The following FGL1 variants were observed in gnomAD, a reference collection of about 807,000 sequenced individuals.
FGL1 encodes fibrinogen like 1, also known as fibrinogen-like protein 1.
A neutral mutation model predicts 43.7 loss-of-function variants in FGL1; 59 were observed. The observed-to-expected ratio is 1.35, with a 90% CI of 1.10 to 1.68. The LOEUF is 1.68. FGL1 is among the 40% of genes most tolerant of loss of function. The pLI is 0.00. For synonymous variants in FGL1, 192 were observed against 126.5 expected, an observed-to-expected ratio of 1.52 and a Z score of -3.48; for missense variants, 596 against 373.0, an observed-to-expected ratio of 1.60 and a Z score of -4.92.
At position 17,871,080 on chromosome 8, in the gene FGL1, A is replaced by C. The variant is rs1346886406; in HGVS notation, c.503-2076T>G. 2.0e-5 allele frequency among the ~76,000 whole-genome samples: 3 copies of C among 152,082 alleles called. No homozygotes were observed. The East Asian group carries it at 5.8e-4, about 29-fold the overall frequency. On this transcript the variant is annotated intron_variant, in intron 5 of 7. Coordinates refer to ENST00000427924, the MANE Select transcript of FGL1 (RefSeq NM_004467.4). ...ATGCGGGCCTCTCTTGGGCTTGTTG[A>C]TTTAGCACCACAATTTCCTTGCCCC...
chr8:17,886,548 A>G (rs562977479), intron 1 of FGL1, among the ~76,000 whole-genome samples: 5 of 152,274 alleles, frequency 3.3e-5, no homozygotes, highest in African/African-American at 1.2e-4. Flanking sequence ...ACTCGAGGTC[A>G]GGAGCTCGAG....
chr8:17,881,383 C>T (rs1367429383), intron 3 of FGL1, among the ~76,000 whole-genome samples: 1 of 151,764 alleles, frequency 6.6e-6, no homozygotes, highest in South Asian at 2.1e-4. Context: ...AATCCGCCCA[C>T]CTAGGCCTCC....
At chr8:17,869,481 G>A (rs978353614) in intron 5 of FGL1, among the ~76,000 whole-genome samples, 14 of 152,168 alleles carry the variant, frequency 9.2e-5, no homozygotes, top group Non-Finnish European at 1.5e-4. Context: ...GCCTGCATAT[G>A]CCTGAACTTG....
intron 2 of FGL1, 57 bp from the exon 3 acceptor site, chr8:17,882,236 C>T (rs2053548568): frequency 2.1e-6 from 3 of 1,455,724 alleles, no homozygotes; most frequent in South Asian, 2.6e-5. Context: ...AAAACAAGTG[C>T]TTTTTAAACA....
Position 17,864,545 on chromosome 8 carries a change from A to G in FGL1, c.*47T>C. The G allele has an allele frequency of 6.4e-7, 1 of 1,562,976 alleles. No individual in the cohort carries two copies. Among genetic ancestry groups the G allele is most frequent in the Non-Finnish European group, 8.6e-7 (1 of 1,157,062 alleles). On this transcript the variant is annotated 3_prime_UTR_variant, in exon 8 of 8. Coordinates refer to ENST00000427924, the MANE Select transcript of FGL1 (RefSeq NM_004467.4). ...GTTCAGAATGAGTATTTTTCAAATCACTTTAAACAAAGCTGAATTGCAGAA... is the reference window on the plus strand; with the variant it reads ...GTTCAGAATGAGTATTTTTCAAATCGCTTTAAACAAAGCTGAATTGCAGAA...
At chr8:17,867,186 T>A (rs6981093) in intron 7 of FGL1, among the ~76,000 whole-genome samples, 6,748 of 152,252 alleles carry the variant, frequency 0.044, 487 homozygotes, top group African/African-American at 0.15. Flanking sequence ...AAACTACAGA[T>A]AATACCAAAT....
chr8:17,882,035 T>C lies in FGL1; in HGVS notation c.208A>G (p.Thr70Ala), dbSNP rs2131726587. 6.2e-7 allele frequency: 1 copy of C among 1,614,002 alleles called. No homozygotes were observed. The highest frequency in any genetic ancestry group is 2.2e-5 in the East Asian group (1 of 44,862). The change falls in exon 3 of 8, where the codon ACT becomes GCT. Residue 70 changes from threonine to alanine, a missense_variant. Thr to Ala is a moderately conservative substitution (Grantham distance 58). Transcript: ENST00000427924. ...VQFLDKGDEN[T>A]VIDLGSKRQY... ...CTCTTGCTTCCAAGATCAATGACAGTATTCTCATCTCCTTTATCAAGGAAC... is the reference window on the plus strand; with the variant it reads ...CTCTTGCTTCCAAGATCAATGACAGCATTCTCATCTCCTTTATCAAGGAAC...
In FGL1 at chr8:17,868,372, A is replaced by G. The variant is rs531970031; in HGVS notation, c.779+176T>C. Reference sequence around the variant, plus strand: ...ACATTTACACTTTACTAATGTACACAATGAACAAATCCTCAAAACGACTTC... The same window carrying G: ...ACATTTACACTTTACTAATGTACACGATGAACAAATCCTCAAAACGACTTC... On this transcript the variant is annotated intron_variant, in intron 7 of 7. Coordinates refer to ENST00000427924, the MANE Select transcript of FGL1 (RefSeq NM_004467.4). 128 of 443,380 alleles carry G rather than the reference A, an allele frequency of 2.9e-4. 2 individuals are homozygous for G. Among genetic ancestry groups the G allele is most frequent in the Middle Eastern group, 1.2e-3 (2 of 1,702 alleles). 27.5% of individuals were successfully genotyped at this position (443,380 alleles called of 1,614,324 possible).
At chr8:17,885,443 A>T in intron 2 of FGL1, 49 bp downstream of exon 2, 1 of 1,460,062 alleles carries the variant, frequency 6.8e-7, no homozygotes, top group Non-Finnish European at 9.5e-7. Flanking sequence ...GAAAATTCAG[A>T]TAAAAGCAGG....
At chr8:17,884,104 C>A (rs1461769053) in intron 2 of FGL1, among the ~76,000 whole-genome samples, 4 of 132,850 alleles carry the variant, frequency 3.0e-5, no homozygotes, top group Non-Finnish European at 4.8e-5. Flanking sequence ...TCCCTTCCTT[C>A]TTTTCTTTTC....
chr8:17,875,499 CTTT>C (rs1563452182), intron 3 of FGL1, among the ~76,000 whole-genome samples: 1 of 7,050 alleles, frequency 1.4e-4, no homozygotes, highest in Non-Finnish European at 6.1e-4. Flanking sequence ...TTCTTTCTTT[CTTT>C]CTTTCTTTCT....
intron 7 of FGL1, among the ~76,000 whole-genome samples, chr8:17,866,577 G>C (rs1348969316): frequency 1.3e-5 from 2 of 152,144 alleles, no homozygotes. Context: ...CAACCCCTTT[G>C]ATTCCAAGGA....
intron 1 of FGL1, 97 bp downstream of exon 1, chr8:17,895,350 A>C (rs935965503): frequency 1.2e-5 from 14 of 1,202,068 alleles, no homozygotes; most frequent in Non-Finnish European, 3.2e-6. Context: ...TGCAAAAGCT[A>C]ATGGTTGTTA....
At chr8:17,874,292 A>C (rs2053409874) in intron 4 of FGL1, 70 bp downstream of exon 4, 3 of 1,524,152 alleles carry the variant, frequency 2.0e-6, no homozygotes, top group Non-Finnish European at 1.8e-6. Flanking sequence ...TCAGGATATG[A>C]TCAAAATATT....
rs2053615303 is a variant in FGL1 at position 17,885,576 on chromosome 8, A to G, written c.-17-5T>C. On this transcript the variant is annotated splice_region_variant and splice_polypyrimidine_tract_variant and intron_variant, in intron 1 of 7. Coordinates refer to ENST00000427924, the MANE Select transcript of FGL1 (RefSeq NM_004467.4). ...CCATGTTCCCCCTTGAAAAAACTGC[A>G]AGAACAAAAAGAATTTTATAAATGT... The G allele has an allele frequency of 6.2e-7, 1 of 1,611,574 alleles. No individual in the cohort carries two copies. The highest frequency in any genetic ancestry group is 2.2e-5 in the East Asian group (1 of 44,816).
intron 5 of FGL1, among the ~76,000 whole-genome samples, chr8:17,870,384 T>C (rs1446907450): frequency 6.6e-6 from 1 of 152,210 alleles, no homozygotes; most frequent in Non-Finnish European, 1.5e-5. Flanking sequence ...GCACCAAATG[T>C]TATAAATCAA....
At position 17,874,034 on chromosome 8, in the gene FGL1, A is replaced by G; in HGVS notation, c.487T>C (p.Phe163Leu). ...CAAACCTTACCTTGAGTGGTCAAGA[A>G]GTGAAGATTTTTATTGCCCAGCCAA... ...EYWLGNKNLH[F>L]LTTQEDYTLK... The change falls in exon 5 of 8, where the codon TTC becomes CTC. Residue 163 changes from phenylalanine to leucine, a missense_variant. By Grantham distance (22) the Phe-to-Leu change is conservative (BLOSUM62 0). Coordinates refer to ENST00000427924, the MANE Select transcript of FGL1 (RefSeq NM_004467.4). The G allele has an allele frequency of 6.2e-7, 1 of 1,609,778 alleles. No homozygotes were observed. The highest frequency in any genetic ancestry group is 1.1e-5 in the South Asian group (1 of 89,872).
intron 2 of FGL1, among the ~76,000 whole-genome samples, chr8:17,884,483 C>T (rs977182345): frequency 6.6e-6 from 1 of 152,182 alleles, no homozygotes; most frequent in Admixed American, 6.5e-5. Context: ...GCGTGAGCCA[C>T]TGCACCAGGC....
At position 17,864,514 on chromosome 8, in the gene FGL1, G is replaced by T; in HGVS notation, c.*78C>A. ...CACAACAGTTATCATGATTGCGCAT[G>T]GATATGTTCAGAATGAGTATTTTTC... is the stretch of plus-strand genomic sequence containing the variant. On this transcript the variant is annotated 3_prime_UTR_variant, in exon 8 of 8. Coordinates refer to ENST00000427924, the MANE Select transcript of FGL1 (RefSeq NM_004467.4). 1 of 1,431,570 alleles carries T rather than the reference G, an allele frequency of 7.0e-7. No individual in the cohort carries two copies. The highest frequency in any genetic ancestry group is 9.4e-7 in the Non-Finnish European group (1 of 1,061,854). 88.7% of individuals were successfully genotyped at this position (1,431,570 alleles called of 1,614,324 possible).
Sources: allele counts gnomAD v4.1 joint callset (sites outside exome capture counted in the v4.1 genomes callset), GRCh38; gene constraint gnomAD v4.1.1; transcripts MANE v1.5; gene names NCBI Gene and HGNC (gene_info 2026-07-23, HGNC 2026-07-21).